CSF1R: variants seen among roughly 807,000 people sequenced by gnomAD.
CSF1R encodes the protein macrophage colony-stimulating factor 1 receptor.
Under a neutral mutation model 110.0 loss-of-function variants are expected in CSF1R, and 40 were observed. That is an observed-to-expected ratio of 0.36 (90% CI 0.28 to 0.47). The LOEUF (loss-of-function observed/expected upper bound fraction) is 0.47. Among genes scored for constraint, CSF1R ranks in the 20% least tolerant of loss-of-function variants. The pLI is 0.99. For synonymous variants in CSF1R, 523 were observed against 503.4 expected (o/e 1.04, Z -0.52); for missense variants, 1,052 against 1,253.0 (o/e 0.84, Z 2.42).
chr5:150,080,679 G>T, intron 2 of CSF1R, 88 bp downstream of exon 2: 1 of 1,521,182 alleles, frequency 6.6e-7, no homozygotes, highest in Non-Finnish European at 9.0e-7. Flanking sequence ...TAAATGCAGA[G>T]CTGAATTGTT....
rs2113833096 is a variant in CSF1R at position 150,080,836 on chromosome 5, C to A, written c.238G>T (p.Gly80Trp). 1 of 1,614,158 alleles carries A rather than the reference C, an allele frequency of 6.2e-7. No homozygotes were observed. The highest frequency in any genetic ancestry group is 8.5e-7 in the Non-Finnish European group (1 of 1,180,026). The change falls in exon 2 of 21, where the codon GGG becomes TGG. Residue 80 changes from glycine (G) to tryptophan (W), a missense_variant. Transcript: ENST00000675795. Reference sequence around the variant, plus strand: ...CCAGGCTCAGTGCAGCGATAGGTCCCCGTGTTTTGGAAGGTAGCGTTGTTG... The same window carrying A: ...CCAGGCTCAGTGCAGCGATAGGTCCACGTGTTTTGGAAGGTAGCGTTGTTG... ...STNNATFQNT[G>W]TYRCTEPGDP...
chr5:150,082,713 C>T (rs1363718593), intron 1 of CSF1R, among the ~76,000 whole-genome samples: 1 of 152,210 alleles, frequency 6.6e-6, no homozygotes, highest in Non-Finnish European at 1.5e-5. Flanking sequence ...AGTTTCTTAA[C>T]CTCTTTGAGC....
chr5:150,062,970 C>G lies in CSF1R; in HGVS notation c.1627-1121G>C, dbSNP rs555193753. 2.0e-5 allele frequency among the ~76,000 whole-genome samples: 3 copies of G among 151,996 alleles called. No individual in the cohort carries two copies. The East Asian group carries it at 5.8e-4, about 29-fold the overall frequency. On this transcript the variant is annotated intron_variant, in intron 10 of 20. Transcript: ENST00000675795. ...GCTTGAGGGAAGTGGGGGGCAGATTCCAGAAACAGGAAGGCCTTGAGGGCT... is the reference window on the plus strand; with the variant it reads ...GCTTGAGGGAAGTGGGGGGCAGATTGCAGAAACAGGAAGGCCTTGAGGGCT...
At chr5:150,086,884 A>G (rs948774935), upstream of CSF1R, among the ~76,000 whole-genome samples, 3 of 152,162 alleles carry the variant, frequency 2.0e-5, no homozygotes, top group Non-Finnish European at 2.9e-5. Flanking sequence ...GTTGCATGAT[A>G]TTGTGACATA....
intron 10 of CSF1R, 90 bp downstream of exon 10, chr5:150,068,125 G>C: frequency 1.0e-6 from 1 of 954,806 alleles, no homozygotes. Context: ...ACTGACTGAG[G>C]AGGAGGAAGG....
intron 9 of CSF1R, 33 bp downstream of exon 9, chr5:150,069,821 AGGGGCGGGGGGCGGGCGGG>A (rs1757950600): frequency 3.5e-6 from 4 of 1,146,338 alleles, no homozygotes; most frequent in Admixed American, 7.3e-5. Flanking sequence ...CTAAAGGAGC[AGGGGCGGGGGGCGGGCGGG>A]GGGGCGGTGC....
intron 1 of CSF1R, among the ~76,000 whole-genome samples, chr5:150,096,237 A>G (rs1759218814): frequency 6.6e-6 from 1 of 152,186 alleles, no homozygotes; most frequent in African/African-American, 2.4e-5. Flanking sequence ...TAAAAATACA[A>G]AAATTAGCCA....
upstream of CSF1R, among the ~76,000 whole-genome samples, chr5:150,089,578 T>G (rs1758970509): frequency 6.6e-6 from 1 of 152,206 alleles, no homozygotes; most frequent in Non-Finnish European, 1.5e-5. Flanking sequence ...CCACCTTGTT[T>G]TCATAAGTTG....
At chr5:150,066,346 A>G (rs953930999) in intron 10 of CSF1R, among the ~76,000 whole-genome samples, 1 of 152,200 alleles carries the variant, frequency 6.6e-6, no homozygotes, top group Non-Finnish European at 1.5e-5. Flanking sequence ...AGACACACCA[A>G]CTTTCTCATC....
chr5:150,083,528 C>T (rs1415430622), intron 1 of CSF1R, among the ~76,000 whole-genome samples: 2 of 151,994 alleles, frequency 1.3e-5, no homozygotes, highest in Non-Finnish European at 2.9e-5. Context: ...GGCCCCTCAT[C>T]CACTCATCAT....
At chr5:150,087,177 T>C (rs1481020963), upstream of CSF1R, among the ~76,000 whole-genome samples, 1 of 152,146 alleles carries the variant, frequency 6.6e-6, no homozygotes, top group Non-Finnish European at 1.5e-5. Context: ...ATCTGAACAA[T>C]TGGTTGATTG....
At chr5:150,091,849 T>A (rs1759050768) in intron 1 of CSF1R, among the ~76,000 whole-genome samples, 3 of 57,712 alleles carry the variant, frequency 5.2e-5, no homozygotes, top group African/African-American at 1.6e-4. Context: ...AGACCCATAC[T>A]ACCAAAAAAA....
chr5:150,075,124 C>T (rs1050598042), intron 5 of CSF1R, among the ~76,000 whole-genome samples: 3 of 152,232 alleles, frequency 2.0e-5, no homozygotes, highest in African/African-American at 7.2e-5. Flanking sequence ...CTTCATGCAT[C>T]TGGTTCTCCC....
chr5:150,077,533 T>C, intron 4 of CSF1R, 98 bp from the exon 5 acceptor site: 1 of 1,317,864 alleles, frequency 7.6e-7, no homozygotes, highest in South Asian at 1.4e-5. Context: ...CTATCTGCCT[T>C]TCCTCTGAGC....
At chr5:150,101,356 A>G (rs1759397488) in intron 1 of CSF1R, among the ~76,000 whole-genome samples, 1 of 152,240 alleles carries the variant, frequency 6.6e-6, no homozygotes, top group Admixed American at 6.5e-5. Context: ...ATCCAGCCAG[A>G]TCAGCTGAAT....
Position 150,084,300 on chromosome 5 carries a change from C to T in CSF1R, c.49+2079G>A, listed in dbSNP as rs1031956792. ...AGCCGAGATCCATGCCATTGCACTC[C>T]AGCCTGGGCAACAGAGCAAGACTCG... On this transcript the variant is annotated intron_variant, in intron 1 of 20. Coordinates refer to ENST00000675795, the MANE Select transcript of CSF1R (RefSeq NM_001288705.3). Among the ~76,000 whole-genome samples the T allele has an allele frequency of 2.7e-5, 4 of 149,142 alleles. No individual in the cohort carries two copies. The Admixed American group carries it at 2.7e-4, about 10-fold the overall frequency.
At chr5:150,080,685 T>G in intron 2 of CSF1R, 82 bp downstream of exon 2, 1 of 1,537,550 alleles carries the variant, frequency 6.5e-7, no homozygotes, top group Non-Finnish European at 8.9e-7. Context: ...CAGAGCTGAA[T>G]TGTTACGATT....
In CSF1R at chr5:150,060,857, C is replaced by T. The variant is rs756528673; in HGVS notation, c.1969+5G>A. 1.9e-6 allele frequency: 3 copies of T among 1,597,894 alleles called. No homozygotes were observed. On this transcript the variant is annotated splice_donor_5th_base_variant and intron_variant, in intron 13 of 20. Transcript: ENST00000675795. ...CCTTGGCCCCAGGAACCCCAAGGCC[C>T]TTACCTCCATGGGTACAGGCTCCCA...
chr5:150,078,434 G>A (rs879859072), intron 3 of CSF1R, among the ~76,000 whole-genome samples, 186 bp from the exon 4 acceptor site: 12 of 152,084 alleles, frequency 7.9e-5, no homozygotes, highest in Non-Finnish European at 1.8e-4. Flanking sequence ...AAGAGACCTT[G>A]GAAAGTCTAC....
Sources: gnomAD v4.1 joint callset for allele counts (sites outside exome capture counted in the v4.1 genomes callset) on GRCh38, gnomAD v4.1.1 for gene constraint, MANE v1.5 for transcripts, NCBI Gene and HGNC (gene_info 2026-07-23, HGNC 2026-07-21) for gene names.